CBFA2T3: variants seen among roughly 807,000 people sequenced by gnomAD.
CBFA2T3 encodes the protein transcriptional corepressor CBFA2T3.
In CBFA2T3, 31 loss-of-function variants were observed where a neutral mutation model predicts 58.6. The ratio of observed to expected loss-of-function variants is 0.53; its 90% CI spans 0.40 to 0.71. CBFA2T3 has a LOEUF of 0.71. Among genes scored for constraint, CBFA2T3 ranks in the 30% least tolerant of loss-of-function variants. CBFA2T3 has a pLI of 0.00. For synonymous variants in CBFA2T3, 531 were observed against 421.9 expected (o/e 1.26, Z -3.17); for missense variants, 1,076 against 963.1 (o/e 1.12, Z -1.55).
intron 10 of CBFA2T3, 44 bp from the exon 11 acceptor site, chr16:88,879,504 CA>C: frequency 6.3e-7 from 1 of 1,574,874 alleles, no homozygotes; most frequent in South Asian, 1.1e-5. Flanking sequence ...TGGGCCATCC[CA>C]GATGGGTCTC....
chr16:88,892,367 G>T lies in CBFA2T3; in HGVS notation c.498C>A (p.Pro166=). 6.2e-7 allele frequency: 1 copy of T among 1,613,482 alleles called. No individual in the cohort carries two copies. Reference sequence around the variant, plus strand: ...TGAGCTGCCGGGCCCCGCAGGCTGGGGGCAGGTGCTGTGTGGACAAGGAGG... The same window carrying T: ...TGAGCTGCCGGGCCCCGCAGGCTGGTGGCAGGTGCTGTGTGGACAAGGAGG... The part of the protein sequence containing the change: ...STASLSTQHL[P]PACGARQLSK... Residue 166 remains proline, a synonymous_variant, in exon 4 of 12, where the codon CCC becomes CCA. Transcript: ENST00000268679.
intron 2 of CBFA2T3, among the ~76,000 whole-genome samples, chr16:88,899,955 C>T (rs561793084): frequency 6.6e-5 from 10 of 152,154 alleles, no homozygotes; most frequent in East Asian, 1.9e-4. Flanking sequence ...TGTACCAGAC[C>T]GGAGGGCTCT....
intron 1 of CBFA2T3, among the ~76,000 whole-genome samples, chr16:88,929,251 C>T (rs973246542): frequency 3.3e-5 from 5 of 149,812 alleles, no homozygotes; most frequent in Admixed American, 6.6e-5. Context: ...CAACCCAGGG[C>T]GCCCCTGAAC....
At chr16:88,973,100 G>A (rs751819035) in intron 1 of CBFA2T3, among the ~76,000 whole-genome samples, 4 of 152,208 alleles carry the variant, frequency 2.6e-5, no homozygotes, top group African/African-American at 7.2e-5. Context: ...GGCTGAGACC[G>A]CCCGGCTGCT....
At chr16:88,886,619 G>C (rs534343909) in intron 5 of CBFA2T3, 1 of 153,624 alleles carries the variant, frequency 6.5e-6, no homozygotes, top group Admixed American at 6.5e-5. Flanking sequence ...CGGCTCACAC[G>C]AGGGAGCTGG....
intron 8 of CBFA2T3, 146 bp downstream of exon 8, chr16:88,882,530 G>A (rs1482435332): frequency 7.6e-6 from 5 of 656,404 alleles, no homozygotes; most frequent in Non-Finnish European, 1.4e-5. Context: ...GCTTGTGTGG[G>A]CATGGCTGTG....
chr16:88,880,638 T>G lies in CBFA2T3; in HGVS notation c.1471+82A>C, dbSNP rs1219893404. ...GCCCCCAGAGAGAGACAGAAGCTCTTCAAAGCTGAGCCGGTGAGAGGCGCA... is the reference window on the plus strand; with the variant it reads ...GCCCCCAGAGAGAGACAGAAGCTCTGCAAAGCTGAGCCGGTGAGAGGCGCA... On this transcript the variant is annotated intron_variant, in intron 10 of 11. Transcript: ENST00000268679. 4 of 1,191,734 alleles carry G rather than the reference T, an allele frequency of 3.4e-6. No homozygotes were observed. The African/African-American group carries it at 6.1e-5, about 18-fold the overall frequency. The allele number at this position is 1,191,734 out of a possible 1,614,324, so 73.8% of individuals were successfully genotyped here. A position where few individuals can be genotyped will look rare whatever the true frequency, so the allele number is the denominator to read the frequency against.
intron 2 of CBFA2T3, 135 bp from the exon 3 acceptor site, chr16:88,898,287 C>T (rs1266868379): frequency 1.2e-5 from 8 of 673,756 alleles, no homozygotes; most frequent in Non-Finnish European, 2.1e-5. Context: ...AGACTGCCCT[C>T]AGGGGCACCC....
At chr16:88,920,866 C>G (rs1970889751) in intron 1 of CBFA2T3, among the ~76,000 whole-genome samples, 1 of 152,236 alleles carries the variant, frequency 6.6e-6, no homozygotes, top group Non-Finnish European at 1.5e-5. Context: ...CTCCTGGAGG[C>G]CAAGCCCCTC....
chr16:88,901,717 G>A (rs74895667), intron 1 of CBFA2T3, 61 bp from the exon 2 acceptor site: 43,239 of 1,433,890 alleles, frequency 0.03, 869 homozygotes, highest in African/African-American at 0.092. Flanking sequence ...GCCAGGGCCC[G>A]CAGCCCCACG....
chr16:88,918,910 G>A (rs1435794403), intron 1 of CBFA2T3, among the ~76,000 whole-genome samples: 4 of 152,298 alleles, frequency 2.6e-5, no homozygotes, highest in South Asian at 2.1e-4. Flanking sequence ...TTTCCTCCCC[G>A]TCTAATTAGG....
At chr16:88,904,671 G>A (rs1005298623) in intron 1 of CBFA2T3, among the ~76,000 whole-genome samples, 5 of 152,180 alleles carry the variant, frequency 3.3e-5, no homozygotes, top group Admixed American at 6.5e-5. Flanking sequence ...GCCCCACCCC[G>A]GGTTGTGCGG....
intron 1 of CBFA2T3, among the ~76,000 whole-genome samples, chr16:88,971,842 G>A (rs1972664030): frequency 6.6e-6 from 1 of 152,220 alleles, no homozygotes. Context: ...CGCTCTTCCT[G>A]CCTGCGCCTC....
chr16:88,886,868 GC>G (rs1969399082), intron 5 of CBFA2T3: 1 of 152,308 alleles, frequency 6.6e-6, no homozygotes. Context: ...CCGAAGGACG[GC>G]CCGGTGTACG....
intron 1 of CBFA2T3, among the ~76,000 whole-genome samples, chr16:88,968,788 T>C (rs1567640442): frequency 6.6e-6 from 1 of 152,150 alleles, no homozygotes. Flanking sequence ...CTCTTTCATT[T>C]CTGCACCCTG....
chr16:88,914,025 C>T (rs568458004), intron 1 of CBFA2T3, among the ~76,000 whole-genome samples: 3 of 152,238 alleles, frequency 2.0e-5, no homozygotes, highest in South Asian at 4.1e-4. Context: ...AAGCGTGCAC[C>T]GAGGTAGAGG....
At position 88,885,302 on chromosome 16, in the gene CBFA2T3, G is replaced by A. The variant is rs531010385; in HGVS notation, c.894-33C>T. 4.8e-6 allele frequency: 7 copies of A among 1,457,870 alleles called. No individual in the cohort carries two copies. Among genetic ancestry groups the A allele is most frequent in the South Asian group, 4.0e-5 (3 of 74,182 alleles). The allele number at this position is 1,457,870 out of a possible 1,614,324, so 90.3% of individuals were successfully genotyped here. A position where few individuals can be genotyped will look rare whatever the true frequency, so the allele number is the denominator to read the frequency against. ...CAAGAGCAGGTGGGGCGAGGGCAGT[G>A]GACATAGGATGAACCGGGGACAGAG... On this transcript the variant is annotated intron_variant, in intron 6 of 11. Transcript: ENST00000268679. This position sits in a 1 kb window ranked among gnomAD's most constrained non-coding sequence, Gnocchi z 5.3.
chr16:88,939,326 A>T (rs1971623546), intron 1 of CBFA2T3: 1 of 152,028 alleles, frequency 6.6e-6, no homozygotes, highest in Non-Finnish European at 1.5e-5. Flanking sequence ...ACCACGAACC[A>T]CTCATGTGAA....
intron 1 of CBFA2T3, among the ~76,000 whole-genome samples, chr16:88,972,047 C>T (rs548634795): frequency 6.6e-6 from 1 of 152,234 alleles, no homozygotes; most frequent in Non-Finnish European, 1.5e-5. Flanking sequence ...TGCACCCTGA[C>T]CCTAGGCACC....
Sources: allele counts gnomAD v4.1 joint callset (sites outside exome capture counted in the v4.1 genomes callset), GRCh38; gene constraint gnomAD v4.1.1; non-coding constraint Gnocchi (gnomAD v3.1); transcripts MANE v1.5; gene names NCBI Gene and HGNC (gene_info 2026-07-23, HGNC 2026-07-21).